Variants in ATG2B observed in about 807,000 individuals in gnomAD.
The protein encoded by ATG2B is autophagy related 2B.
Under a neutral mutation model 241.3 loss-of-function variants are expected in ATG2B, and 121 were observed. The observed-to-expected ratio is 0.50, with a 90% confidence interval of 0.43 to 0.58. The LOEUF is 0.58. Among genes scored for constraint, ATG2B ranks in the 20% least tolerant of loss-of-function variants. The probability of loss-of-function intolerance (pLI) is 0.00; values close to 1 mark genes in which losing one functional copy is unlikely to be tolerated. For missense variants in ATG2B, 2,306 were observed against 2,491.6 expected (o/e 0.93, Z 1.59); for synonymous variants, 858 against 876.6 (o/e 0.98, Z 0.37).
chr14:96,308,213 TACATAA>T (rs1436977224), intron 29 of ATG2B, among the ~76,000 whole-genome samples: 2 of 103,786 alleles, frequency 1.9e-5, no homozygotes, highest in Non-Finnish European at 3.9e-5. Context: ...TATATATAAA[TACATAA>T]ATATATATAT....
rs370907804 is a variant in ATG2B, at chr14:96,331,609, A to G, written c.1497T>C (p.Asp499=). 3.5e-5 allele frequency: 57 copies of G among 1,613,104 alleles called. No individual in the cohort carries two copies. The highest frequency in any genetic ancestry group is 6.7e-5 in the Admixed American group (4 of 59,868). ...TSLPSRSVSV[D]ESRPELIFRL... ...TAAAAATAAGTTCAGGCCTTGATTC[A>G]TCCACTGAAACAGATCTAGATGGGA... The change falls in exon 11 of 42, where the codon GAT becomes GAC. Residue 499 remains aspartate, a synonymous_variant. Transcript: ENST00000359933.
At chr14:96,350,823 G>A (rs961514280) in intron 1 of ATG2B, among the ~76,000 whole-genome samples, 58 of 152,148 alleles carry the variant, frequency 3.8e-4, no homozygotes, top group African/African-American at 1.4e-3. Flanking sequence ...TGGTTTTAAG[G>A]TATAAGCATC....
At chr14:96,313,463 T>G (rs1021041559) in intron 23 of ATG2B, 28 bp from the exon 24 acceptor site, 6 of 1,278,446 alleles carry the variant, frequency 4.7e-6, no homozygotes, top group Non-Finnish European at 6.5e-6. Flanking sequence ...TAAAACGCCC[T>G]GCTTTAGAAG....
Position 96,325,916 on chromosome 14 carries a change from C to A in ATG2B, c.2170G>T (p.Ala724Ser). Residue 724 changes from alanine to serine, a missense_variant, in exon 15 of 42, where the codon GCT becomes TCT. Around this residue, in one of 2 missense-constraint regions of ATG2B, gnomAD observed 1,927 missense variants for 2,011.2 expected, o/e 0.96. Coordinates refer to ENST00000359933, the MANE Select transcript of ATG2B (RefSeq NM_018036.7). ...TCATCTAGAAACACTTCAGTGAAAG[C>A]CTTGTGCTAAAACACAAAACATCAA... is the stretch of plus-strand genomic sequence containing the variant. ...SYNKHISLHK[A>S]FTEVFLDDSH... is the part of the protein sequence containing the mutation. 6.2e-7 allele frequency: 1 copy of A among 1,609,662 alleles called. No homozygotes were observed.
chr14:96,325,911 G>A lies in ATG2B; in HGVS notation c.2175C>T (p.Phe725=), dbSNP rs75160980. ...GTGAATCATCTAGAAACACTTCAGT[G>A]AAAGCCTTGTGCTAAAACACAAAAC... ...YNKHISLHKA[F]TEVFLDDSHS... is the part of the protein sequence containing the mutation. The change falls in exon 15 of 42, where the codon TTC becomes TTT. Residue 725 remains phenylalanine, a synonymous_variant. Coordinates refer to ENST00000359933, the MANE Select transcript of ATG2B (RefSeq NM_018036.7). 1.9e-6 allele frequency: 3 copies of A among 1,611,706 alleles called. No individual in the cohort carries two copies. In the South Asian group the frequency reaches 3.3e-5, roughly 18 times the overall value.
chr14:96,313,876 A>G (rs941356576), intron 23 of ATG2B, among the ~76,000 whole-genome samples: 9 of 152,216 alleles, frequency 5.9e-5, no homozygotes, highest in Non-Finnish European at 8.8e-5. Context: ...AACAATTCTC[A>G]GAAAAAATAA....
rs1007419159 is a variant in ATG2B at position 96,285,482 on chromosome 14, A to G, written c.*273T>C. 5.8e-5 allele frequency: 26 copies of G among 450,456 alleles called. No individual in the cohort carries two copies. The highest frequency in any genetic ancestry group is 6.3e-4 in the Middle Eastern group (1 of 1,590). The allele number at this position is 450,456 out of a possible 1,614,324, so 27.9% of individuals were successfully genotyped here. Reference sequence around the variant, plus strand: ...GTCGGTAACAAGGAGAATTACAGTCATCTTAACAAAAGTGAGCCTTCCACT... The same window carrying G: ...GTCGGTAACAAGGAGAATTACAGTCGTCTTAACAAAAGTGAGCCTTCCACT... On this transcript the variant is annotated 3_prime_UTR_variant, in exon 42 of 42. Transcript: ENST00000359933. This position sits in a 1 kb window ranked among gnomAD's most constrained non-coding sequence, Gnocchi z 4.2.
At chr14:96,344,385 C>T (rs1268260975) in intron 4 of ATG2B, among the ~76,000 whole-genome samples, 3 of 152,120 alleles carry the variant, frequency 2.0e-5, no homozygotes, top group South Asian at 2.1e-4. Flanking sequence ...CACTCAAATG[C>T]TTATTATTCT....
chr14:96,337,554 T>C (rs1887899378), intron 6 of ATG2B, among the ~76,000 whole-genome samples: 1 of 152,102 alleles, frequency 6.6e-6, no homozygotes, highest in Admixed American at 6.5e-5. Flanking sequence ...AAAAAATATG[T>C]TTTTGTATGC....
Position 96,291,570 on chromosome 14 carries a change from C to T in ATG2B, c.5579+30G>A, listed in dbSNP as rs140933783. ...TTGTACACTAACTTTGATAACTTCA[C>T]TTAAAGCTTCATATAATAAATTCAC... On this transcript the variant is annotated intron_variant, in intron 38 of 41. Transcript: ENST00000359933. The T allele has an allele frequency of 1.9e-3, 2,901 of 1,525,934 alleles. 49 individuals carry two copies. In the African/African-American group the frequency reaches 0.036, roughly 19 times the overall value. 94.5% of individuals were successfully genotyped at this position (1,525,934 alleles called of 1,614,324 possible).
At chr14:96,334,335 A>G in intron 7 of ATG2B, 70 bp downstream of exon 7, 5 of 908,872 alleles carry the variant, frequency 5.5e-6, no homozygotes. Context: ...ATGTACATAC[A>G]TTACATATTT....
At chr14:96,351,176 A>G (rs573671414) in intron 1 of ATG2B, among the ~76,000 whole-genome samples, 2 of 152,332 alleles carry the variant, frequency 1.3e-5, no homozygotes, top group South Asian at 4.1e-4. Flanking sequence ...CTACATTTTA[A>G]TTTAGAATAA....
intron 34 of ATG2B, among the ~76,000 whole-genome samples, chr14:96,301,740 G>C (rs1346376176): frequency 2.0e-5 from 3 of 152,190 alleles, no homozygotes; most frequent in African/African-American, 7.2e-5. Context: ...TGGGAGTAGA[G>C]TACTTGAGGA....
chr14:96,323,586 T>C lies in ATG2B; in HGVS notation c.2540+310A>G, dbSNP rs138837055. On this transcript the variant is annotated intron_variant, in intron 16 of 41. Transcript: ENST00000359933. ...TTAACCGAAGTAGATCCAGTCCTTATGAAACTTGTGCTCTAAACTCATGCT... is the reference window on the plus strand; with the variant it reads ...TTAACCGAAGTAGATCCAGTCCTTACGAAACTTGTGCTCTAAACTCATGCT... Among the ~76,000 whole-genome samples the C allele has an allele frequency of 5.9e-5, 9 of 152,338 alleles. No homozygotes were observed. In the East Asian group the frequency reaches 1.7e-3, roughly 29 times the overall value.
rs758163812 is a variant in ATG2B at position 96,343,203 on chromosome 14, T to C, written c.660A>G (p.Leu220=). 1.2e-6 allele frequency: 2 copies of C among 1,611,138 alleles called. No individual in the cohort carries two copies. The highest frequency in any genetic ancestry group is 1.7e-5 in the Admixed American group (1 of 59,590). ...AGAGAGACACTCCAGAGAGCTGAAGTAACTTGTGAGCAAAAGCAGTGGGTT... is the reference window on the plus strand; with the variant it reads ...AGAGAGACACTCCAGAGAGCTGAAGCAACTTGTGAGCAAAAGCAGTGGGTT... ...VHQPTAFAHK[L]LQLSGVSLFW... is the part of the protein sequence containing the mutation. Residue 220 remains leucine, a synonymous_variant, in exon 5 of 42, where the codon TTA becomes TTG. Transcript: ENST00000359933.
chr14:96,294,884 C>T, intron 36 of ATG2B, 76 bp downstream of exon 36: 1 of 1,314,590 alleles, frequency 7.6e-7, no homozygotes, highest in Non-Finnish European at 1.1e-6. Flanking sequence ...CTCATGATTA[C>T]CAGCACACAT....
intron 34 of ATG2B, 114 bp from the exon 35 acceptor site, chr14:96,295,674 C>A (rs1029275707): frequency 4.2e-5 from 25 of 598,016 alleles, no homozygotes; most frequent in Non-Finnish European, 6.3e-5. Flanking sequence ...AATATAGCTA[C>A]AATTTATTGA....
intron 34 of ATG2B, among the ~76,000 whole-genome samples, chr14:96,299,288 C>T (rs1886727033): frequency 1.3e-5 from 2 of 152,202 alleles, no homozygotes; most frequent in African/African-American, 4.8e-5. Flanking sequence ...AAAGCCTTTC[C>T]TGAGCATCCC....
In ATG2B at chr14:96,328,340, T is replaced by C; in HGVS notation, c.2163+7A>G. ...ATGATTAGTATTTGCAGCTTTTGAA[T>C]ACTTACCAGACTAATATGTTTATTA... On this transcript the variant is annotated splice_region_variant and intron_variant, in intron 14 of 41. Transcript: ENST00000359933. 1 of 1,588,520 alleles carries C rather than the reference T, an allele frequency of 6.3e-7. No homozygotes were observed. Among genetic ancestry groups the C allele is most frequent in the South Asian group, 1.1e-5 (1 of 87,336 alleles).
Sources: allele counts gnomAD v4.1 joint callset (sites outside exome capture counted in the v4.1 genomes callset), GRCh38; gene constraint gnomAD v4.1.1; regional missense constraint gnomAD v4.1.1; non-coding constraint Gnocchi (gnomAD v3.1); transcripts MANE v1.5; gene names NCBI Gene and HGNC (gene_info 2026-07-23, HGNC 2026-07-21).